PLCG2: variants seen among roughly 807,000 people sequenced by gnomAD.
PLCG2 encodes the protein phospholipase C gamma 2.
A neutral mutation model predicts 175.6 loss-of-function variants in PLCG2; 69 were observed. That is an observed-to-expected ratio of 0.39 (90% CI 0.32 to 0.48). The LOEUF (loss-of-function observed/expected upper bound fraction) is 0.48, where lower values mean the gene tolerates loss of function less well. Ranked by LOEUF, PLCG2 falls within the 20% of genes least tolerant of loss-of-function variation. The probability of loss-of-function intolerance (pLI) is 0.91; values close to 1 mark genes in which losing one functional copy is unlikely to be tolerated. For missense variants in PLCG2, 1,798 were observed against 1,650.9 expected (o/e 1.09, Z -1.54); for synonymous variants, 827 against 624.0 (o/e 1.33, Z -4.85).
intron 7 of PLCG2, among the ~76,000 whole-genome samples, chr16:81,873,409 G>C (rs188650028): frequency 6.6e-6 from 1 of 152,202 alleles, no homozygotes; most frequent in Non-Finnish European, 1.5e-5. Flanking sequence ...GAACAATGAC[G>C]TGTGTCATTG....
chr16:81,790,743 G>C (rs933098051), intron 2 of PLCG2, among the ~76,000 whole-genome samples: 3 of 152,148 alleles, frequency 2.0e-5, no homozygotes, highest in African/African-American at 7.2e-5. Flanking sequence ...AGCAGCGTGT[G>C]GTTCTCAACC....
At chr16:81,893,611 G>A (rs977022297) in intron 11 of PLCG2, 98 bp from the exon 12 acceptor site, 10 of 735,864 alleles carry the variant, frequency 1.4e-5, no homozygotes, top group East Asian at 2.6e-5. Flanking sequence ...TTGGCGGCTC[G>A]GGCGGAGAAG....
chr16:81,836,845 C>G (rs979608542), intron 2 of PLCG2, among the ~76,000 whole-genome samples: 3 of 152,230 alleles, frequency 2.0e-5, no homozygotes, highest in Admixed American at 6.5e-5. Context: ...GCCTCCCCAC[C>G]TGTGGAAGGA....
At chr16:81,844,699 T>C (rs1877199299) in intron 2 of PLCG2, among the ~76,000 whole-genome samples, 1 of 152,210 alleles carries the variant, frequency 6.6e-6, no homozygotes, top group South Asian at 2.1e-4. Context: ...ATTGTGCATT[T>C]TGCATAAAAA....
intron 1 of PLCG2, among the ~76,000 whole-genome samples, chr16:81,745,949 C>G (rs1055299541): frequency 3.9e-5 from 6 of 152,160 alleles, no homozygotes; most frequent in African/African-American, 1.4e-4. Context: ...CGAGACTAGC[C>G]CATTCAGAGG....
At position 81,921,296 on chromosome 16, in the gene PLCG2, T is replaced by C. The variant is rs367929772; in HGVS notation, c.2307+27T>C. On this transcript the variant is annotated intron_variant, in intron 21 of 32. Transcript: ENST00000564138. ...TACGGTGCCGAACCTCCAATTCACA[T>C]GATTTTGGAGTCACGAGGCTGATGT... 196 of 1,491,198 alleles carry C rather than the reference T, an allele frequency of 1.3e-4. 1 individual carries two copies. The highest frequency in any genetic ancestry group is 1.8e-4 in the Non-Finnish European group (187 of 1,067,986). The allele number at this position is 1,491,198 out of a possible 1,614,324, so 92.4% of individuals were successfully genotyped here.
chr16:81,776,673 G>T (rs1281384687), upstream of PLCG2, among the ~76,000 whole-genome samples: 1 of 152,166 alleles, frequency 6.6e-6, no homozygotes, highest in Non-Finnish European at 1.5e-5. Flanking sequence ...TGCTACCTCA[G>T]ACTCGTGAGT....
intron 2 of PLCG2, among the ~76,000 whole-genome samples, chr16:81,828,725 A>G (rs550797254): frequency 1.3e-5 from 2 of 152,330 alleles, no homozygotes; most frequent in African/African-American, 4.8e-5. Flanking sequence ...CAGCCGTCAC[A>G]GCCTCAGCCT....
intron 21 of PLCG2, 104 bp downstream of exon 21, chr16:81,921,373 G>T (rs760763075): frequency 3.7e-6 from 3 of 811,942 alleles, no homozygotes; most frequent in Admixed American, 3.7e-5. Flanking sequence ...GAAGACTTTG[G>T]AAAACCTGGC....
intron 1 of PLCG2, among the ~76,000 whole-genome samples, chr16:81,779,653 C>A (rs970646661): frequency 6.6e-6 from 1 of 151,928 alleles, no homozygotes; most frequent in Non-Finnish European, 1.5e-5. Context: ...CGGGCCGGCG[C>A]CACCTCTCCG....
chr16:81,948,538 C>G, intron 31 of PLCG2, among the ~76,000 whole-genome samples: 1 of 152,158 alleles, frequency 6.6e-6, no homozygotes, highest in East Asian at 1.9e-4. Context: ...ATGTTGTGCA[C>G]TAGATTAAGG....
At chr16:81,925,848 T>C (rs1421906931) in intron 22 of PLCG2, among the ~76,000 whole-genome samples, 32 of 147,674 alleles carry the variant, frequency 2.2e-4, no homozygotes, top group Admixed American at 1.4e-4. Context: ...GATCGTGCCA[T>C]GCACTCCAGC....
At chr16:81,843,156 C>G (rs1265752340) in intron 2 of PLCG2, among the ~76,000 whole-genome samples, 1 of 152,192 alleles carries the variant, frequency 6.6e-6, no homozygotes, top group East Asian at 1.9e-4. Context: ...CTGAGGTCTG[C>G]TGACCACAGC....
At chr16:81,792,115 G>A (rs118188837) in intron 2 of PLCG2, among the ~76,000 whole-genome samples, 310 of 152,248 alleles carry the variant, frequency 2.0e-3, no homozygotes, top group Middle Eastern at 3.4e-3. Context: ...TGAGCATGTC[G>A]ACTCTGAATC....
At chr16:81,863,303 T>A (rs10871422) in intron 5 of PLCG2, among the ~76,000 whole-genome samples, 2 of 152,124 alleles carry the variant, frequency 1.3e-5, no homozygotes, top group African/African-American at 4.8e-5. Flanking sequence ...GCAGAATATT[T>A]GTCCTTTTGT....
At chr16:81,870,812 G>A in intron 6 of PLCG2, 40 bp from the exon 7 acceptor site, 1 of 1,059,294 alleles carries the variant, frequency 9.4e-7, no homozygotes, top group Non-Finnish European at 1.4e-6. Flanking sequence ...TCTTACGGTG[G>A]ACATCAAAAA....
chr16:81,951,130 A>G (rs905196517), intron 31 of PLCG2, among the ~76,000 whole-genome samples: 4 of 151,760 alleles, frequency 2.6e-5, no homozygotes, highest in African/African-American at 9.7e-5. Flanking sequence ...ATATGCCACC[A>G]TGCCTGGCTA....
At chr16:81,838,159 A>T (rs1056284943) in intron 2 of PLCG2, among the ~76,000 whole-genome samples, 2 of 151,616 alleles carry the variant, frequency 1.3e-5, no homozygotes, top group East Asian at 3.9e-4. Context: ...GCTCACTGCA[A>T]CCTCTGCCTC....
chr16:81,879,167 A>AG (rs899770265), intron 7 of PLCG2, among the ~76,000 whole-genome samples: 4 of 152,084 alleles, frequency 2.6e-5, no homozygotes, highest in African/African-American at 9.7e-5. Flanking sequence ...GTGGTCAGTG[A>AG]GGGGGGCCAC....
Sources: gnomAD v4.1 joint callset for allele counts (sites outside exome capture counted in the v4.1 genomes callset) on GRCh38, gnomAD v4.1.1 for gene constraint, MANE v1.5 for transcripts, NCBI Gene and HGNC (gene_info 2026-07-23, HGNC 2026-07-21) for gene names.